SLC6A9: variants seen among roughly 807,000 people sequenced by gnomAD.
The protein encoded by SLC6A9 is solute carrier family 6 member 9, also known as sodium- and chloride-dependent glycine transporter 1.
SLC6A9 carries 31 observed loss-of-function variants against 70.9 expected under a neutral mutation model. The ratio of observed to expected loss-of-function variants is 0.44; its 90% CI spans 0.33 to 0.59. The LOEUF (loss-of-function observed/expected upper bound fraction) is 0.59. SLC6A9 is among the 20% of genes least tolerant of loss of function. The pLI is 0.04. For missense variants in SLC6A9, 631 were observed against 845.2 expected (o/e 0.75, Z 3.14); for synonymous variants, 310 against 341.3 (o/e 0.91, Z 1.01).
chr1:44,011,910 C>T (rs2086585936), intron 2 of SLC6A9, among the ~76,000 whole-genome samples: 1 of 152,258 alleles, frequency 6.6e-6, no homozygotes, highest in South Asian at 2.1e-4. Context: ...TTAATAAGTG[C>T]CATGCTCCTT....
rs555133279 is a variant in SLC6A9, at chr1:44,003,387, C to T, written c.591-402G>A. Reference sequence around the variant, plus strand: ...GTCAGGTGTCACCTCCTCCAGGAAGCCACCAGTGAGCATTTCACGTGCACC... The same window carrying T: ...GTCAGGTGTCACCTCCTCCAGGAAGTCACCAGTGAGCATTTCACGTGCACC... On this transcript the variant is annotated intron_variant, in intron 5 of 13. Transcript: ENST00000372310. 3.9e-4 allele frequency among the ~76,000 whole-genome samples: 60 copies of T among 152,380 alleles called. 1 individual carries two copies. Among genetic ancestry groups the T allele is most frequent in the Non-Finnish European group, 6.3e-4 (43 of 68,040 alleles).
At chr1:43,999,515 G>T (rs1173014040) in intron 12 of SLC6A9, among the ~76,000 whole-genome samples, 1 of 152,038 alleles carries the variant, frequency 6.6e-6, no homozygotes, top group Non-Finnish European at 1.5e-5. Flanking sequence ...CTGAGCCGCA[G>T]AGGCTGAGCT....
chr1:44,002,261 G>C lies in SLC6A9; in HGVS notation c.962+52C>G. ...ATGGCTGCACTGGAGCTGAGATCAG[G>C]CTGCAGAGAGTGCAGGAAGGGGGCA... On this transcript the variant is annotated intron_variant, in intron 8 of 13. Transcript: ENST00000372310. The surrounding 1 kb of genome is among the most constrained non-coding windows in gnomAD (Gnocchi z 5.5). The C allele has an allele frequency of 7.7e-7, 1 of 1,303,614 alleles. No homozygotes were observed. The highest frequency in any genetic ancestry group is 2.3e-5 in the East Asian group (1 of 43,316). The allele number at this position is 1,303,614 out of a possible 1,614,324, so 80.8% of individuals were successfully genotyped here.
intron 5 of SLC6A9, 128 bp downstream of exon 5, chr1:44,008,225 C>T (rs1456871036): frequency 2.2e-6 from 2 of 911,990 alleles, no homozygotes; most frequent in Non-Finnish European, 3.5e-6. Flanking sequence ...TCACTCACCT[C>T]TACCCTCTCC....
chr1:44,003,841 T>G (rs185513767), intron 5 of SLC6A9, among the ~76,000 whole-genome samples: 110 of 152,200 alleles, frequency 7.2e-4, no homozygotes, highest in African/African-American at 2.6e-3. Context: ...GCTGTGATCT[T>G]TTGATCAATC....
intron 1 of SLC6A9, among the ~76,000 whole-genome samples, chr1:44,025,774 TG>T (rs2086972020): frequency 2.0e-5 from 3 of 150,592 alleles, no homozygotes; most frequent in Non-Finnish European, 4.4e-5. Flanking sequence ...CACTCTAGCT[TG>T]GGTGACAGAG....
intron 4 of SLC6A9, among the ~76,000 whole-genome samples, chr1:44,009,618 C>T (rs756731785): frequency 8.5e-5 from 13 of 152,166 alleles, no homozygotes; most frequent in Non-Finnish European, 1.6e-4. Context: ...GGATTACAGG[C>T]GTGAGCCACT....
chr1:44,011,366 C>CGGGGGAGGGGAG (rs2086562319), intron 2 of SLC6A9, among the ~76,000 whole-genome samples: 3 of 152,030 alleles, frequency 2.0e-5, no homozygotes, highest in African/African-American at 7.2e-5. Flanking sequence ...CAGGCGACTG[C>CGGGGGAGGGGAG]GGGGGAGGGG....
At position 44,013,278 on chromosome 1, in the gene SLC6A9, C is replaced by A. The variant is rs554249928; in HGVS notation, c.31-2396G>T. 5.9e-5 allele frequency among the ~76,000 whole-genome samples: 9 copies of A among 152,348 alleles called. No individual in the cohort carries two copies. The highest frequency in any genetic ancestry group is 4.1e-4 in the South Asian group (2 of 4,826). ...GATGAGGGACAGATGCCCCATACCC[C>A]CTGACCAAGTGGGACCACATTTGGA... On this transcript the variant is annotated intron_variant, in intron 2 of 13. Transcript: ENST00000372310. The surrounding 1 kb of genome is among the most constrained non-coding windows in gnomAD (Gnocchi z 5.3).
chr1:44,025,869 C>G (rs948290703), intron 1 of SLC6A9, among the ~76,000 whole-genome samples: 11 of 152,170 alleles, frequency 7.2e-5, no homozygotes, highest in African/African-American at 2.7e-4. Flanking sequence ...CTTTCTGGAG[C>G]CTTTCTTGCC....
chr1:44,028,568 C>T (rs1291351262), intron 1 of SLC6A9, among the ~76,000 whole-genome samples: 3 of 152,048 alleles, frequency 2.0e-5, no homozygotes, highest in Non-Finnish European at 2.9e-5. Context: ...CCAGCCTGAC[C>T]GACATGGAGA....
Position 44,002,663 on chromosome 1 carries a change from C to T in SLC6A9, c.724-17G>A, listed in dbSNP as rs2086161047. The T allele has an allele frequency of 6.2e-7, 1 of 1,613,606 alleles. No individual in the cohort carries two copies. The highest frequency in any genetic ancestry group is 8.5e-7 in the Non-Finnish European group (1 of 1,179,568). ...GTACACCACCTGGCACAAGAGGGCT[C>T]CATGGACTCTTCTGGGCTCTCCCCT... On this transcript the variant is annotated splice_polypyrimidine_tract_variant and intron_variant, in intron 6 of 13. Coordinates refer to ENST00000372310, the MANE Select transcript of SLC6A9 (RefSeq NM_001024845.3). This position sits in a 1 kb window ranked among gnomAD's most constrained non-coding sequence, Gnocchi z 5.5.
rs1234928093 is a variant in SLC6A9, at chr1:44,002,491, C to G, written c.858+21G>C. On this transcript the variant is annotated intron_variant, in intron 7 of 13. Transcript: ENST00000372310. The surrounding 1 kb of genome is among the most constrained non-coding windows in gnomAD (Gnocchi z 5.5). ...TCCCTGGCCCCTCCCCAGCCCCCTTCCGGTTTCCCTCACTTCCCACCTTGG... is the reference window on the plus strand; with the variant it reads ...TCCCTGGCCCCTCCCCAGCCCCCTTGCGGTTTCCCTCACTTCCCACCTTGG... 9.9e-6 allele frequency: 16 copies of G among 1,613,982 alleles called. No homozygotes were observed. Among genetic ancestry groups the G allele is most frequent in the Non-Finnish European group, 1.4e-5 (16 of 1,179,978 alleles).
intron 1 of SLC6A9, among the ~76,000 whole-genome samples, chr1:44,025,692 C>T (rs1289541991): frequency 6.6e-6 from 1 of 151,478 alleles, no homozygotes; most frequent in Non-Finnish European, 1.5e-5. Context: ...CCCAGCTACT[C>T]GGGAGGCTGA....
intron 5 of SLC6A9, among the ~76,000 whole-genome samples, chr1:44,003,994 T>C (rs149977245): frequency 6.6e-6 from 1 of 151,556 alleles, no homozygotes; most frequent in African/African-American, 2.4e-5. Flanking sequence ...ATTTCTTGTT[T>C]GAAGGATTTT....
chr1:44,002,200 T>C lies in SLC6A9; in HGVS notation c.962+113A>G. The C allele has an allele frequency of 1.3e-6, 1 of 741,040 alleles. No homozygotes were observed. The highest frequency in any genetic ancestry group is 2.4e-6 in the Non-Finnish European group (1 of 411,666). 45.9% of individuals were successfully genotyped at this position (741,040 alleles called of 1,614,324 possible). A position where few individuals can be genotyped will look rare whatever the true frequency, so the allele number is the denominator to read the frequency against. ...ATCCAGAACCAGTATTCCCAGAACC[T>C]CAAGATCATGAGGGGAAAGGAGGCC... On this transcript the variant is annotated intron_variant, in intron 8 of 13. Coordinates refer to ENST00000372310, the MANE Select transcript of SLC6A9 (RefSeq NM_001024845.3). This position sits in a 1 kb window ranked among gnomAD's most constrained non-coding sequence, Gnocchi z 5.5.
At position 44,025,304 on chromosome 1, in the gene SLC6A9, G is replaced by A. The variant is rs188529331; in HGVS notation, c.-85-942C>T. Among the ~76,000 whole-genome samples the A allele has an allele frequency of 1.5e-3, 222 of 152,190 alleles. 1 individual carries two copies. The highest frequency in any genetic ancestry group is 2.6e-3 in the Non-Finnish European group (176 of 68,018). Reference sequence around the variant, plus strand: ...GCATGAGTGGCAAGGTGGGGCTGGCGAGCTGGGGGGCAGCAGCCACGTGGA... The same window carrying A: ...GCATGAGTGGCAAGGTGGGGCTGGCAAGCTGGGGGGCAGCAGCCACGTGGA... On this transcript the variant is annotated intron_variant, in intron 1 of 13. Coordinates refer to ENST00000372310, the MANE Select transcript of SLC6A9 (RefSeq NM_001024845.3).
intron 2 of SLC6A9, 52 bp downstream of exon 2, chr1:44,024,196 G>T (rs1417290190): frequency 1.3e-6 from 2 of 1,586,198 alleles, no homozygotes; most frequent in Non-Finnish European, 1.7e-6. Context: ...GAGGTCCTGG[G>T]GGCAGGGCTT....
intron 5 of SLC6A9, among the ~76,000 whole-genome samples, chr1:44,005,707 A>G (rs566884020): frequency 1.3e-5 from 2 of 152,226 alleles, no homozygotes; most frequent in Non-Finnish European, 2.9e-5. Flanking sequence ...ATGGATACTA[A>G]TATCTACTTA....
Sources: allele counts gnomAD v4.1 joint callset (sites outside exome capture counted in the v4.1 genomes callset), GRCh38; gene constraint gnomAD v4.1.1; non-coding constraint Gnocchi (gnomAD v3.1); transcripts MANE v1.5; gene names NCBI Gene and HGNC (gene_info 2026-07-23, HGNC 2026-07-21).